Variants in EMP2 observed in about 807,000 individuals in gnomAD.
EMP2 encodes the protein epithelial membrane protein 2.
A neutral mutation model predicts 13.7 loss-of-function variants in EMP2; 19 were observed. The ratio of observed to expected loss-of-function variants is 1.38; its 90% CI spans 0.97 to 2.03. The LOEUF is 2.03. EMP2 is among the 30% of genes most tolerant of loss of function. EMP2 has a pLI of 0.00. For synonymous variants in EMP2, 97 were observed against 84.7 expected (o/e 1.15, Z -0.80); for missense variants, 253 against 220.7 (o/e 1.15, Z -0.93).
chr16:10,538,233 G>A (rs893222736), intron 3 of EMP2, among the ~76,000 whole-genome samples, 159 bp from the exon 4 acceptor site: 1 of 152,196 alleles, frequency 6.6e-6, no homozygotes, highest in East Asian at 1.9e-4. Flanking sequence ...GGCAGCCAAG[G>A]CGTCTTCCAG....
intron 1 of EMP2, among the ~76,000 whole-genome samples, chr16:10,577,174 G>C (rs1227795763): frequency 6.6e-6 from 1 of 152,212 alleles, no homozygotes; most frequent in Non-Finnish European, 1.5e-5. Context: ...GTCCCTAGCT[G>C]TCAGTGTCAT....
chr16:10,567,663 C>T (rs1307491933), intron 1 of EMP2, among the ~76,000 whole-genome samples: 1 of 152,114 alleles, frequency 6.6e-6, no homozygotes, highest in East Asian at 1.9e-4. Context: ...AGCCCTAAGA[C>T]CCCCTGAGGA....
intron 4 of EMP2, among the ~76,000 whole-genome samples, chr16:10,537,027 C>T (rs1183558515): frequency 2.0e-5 from 3 of 152,150 alleles, no homozygotes; most frequent in Non-Finnish European, 4.4e-5. Context: ...GACCCTGGCC[C>T]GGGAGGTGGA....
intron 3 of EMP2, among the ~76,000 whole-genome samples, chr16:10,538,755 G>T (rs1208904760): frequency 3.3e-5 from 5 of 152,084 alleles, no homozygotes; most frequent in African/African-American, 4.8e-5. Context: ...GTGGCCATAG[G>T]GAAGGCATCC....
chr16:10,543,443 G>A lies in EMP2; in HGVS notation c.169+127C>T, dbSNP rs748274030. Reference sequence around the variant, plus strand: ...GCTCCAGCACACACTGAGCAAACGCGGCCAGGCCCACCGGAGTATGCAGTG... The same window carrying A: ...GCTCCAGCACACACTGAGCAAACGCAGCCAGGCCCACCGGAGTATGCAGTG... On this transcript the variant is annotated intron_variant, in intron 3 of 4. Transcript: ENST00000359543. The A allele has an allele frequency of 1.7e-5, 18 of 1,053,648 alleles. No homozygotes were observed. In the Middle Eastern group the frequency reaches 6.8e-4, roughly 40 times the overall value. 65.3% of individuals were successfully genotyped at this position (1,053,648 alleles called of 1,614,324 possible). A position where few individuals can be genotyped will look rare whatever the true frequency, so the allele number is the denominator to read the frequency against.
chr16:10,575,916 G>C (rs978538564), intron 1 of EMP2, among the ~76,000 whole-genome samples: 2 of 151,966 alleles, frequency 1.3e-5, no homozygotes, highest in Admixed American at 6.6e-5. Context: ...GCTTGGTCTG[G>C]AAGCTCTCAG....
chr16:10,577,965 A>C (rs2050995577), intron 1 of EMP2: 2 of 94,858 alleles, frequency 2.1e-5, no homozygotes, highest in South Asian at 8.7e-4. Flanking sequence ...CCCACACACA[A>C]TTATCTGACC....
At chr16:10,546,316 G>A (rs1596372710) in intron 2 of EMP2, 1 of 152,222 alleles carries the variant, frequency 6.6e-6, no homozygotes, top group Non-Finnish European at 1.5e-5. Flanking sequence ...AGTCTAAAAT[G>A]AGCAGGATGG....
chr16:10,539,152 C>T (rs1567201364), intron 3 of EMP2, among the ~76,000 whole-genome samples: 1 of 152,104 alleles, frequency 6.6e-6, no homozygotes, highest in Non-Finnish European at 1.5e-5. Flanking sequence ...GAGCTGAATG[C>T]TGAATGTTAC....
chr16:10,536,053 A>G (rs1013256160), intron 4 of EMP2, among the ~76,000 whole-genome samples: 8 of 152,102 alleles, frequency 5.3e-5, no homozygotes, highest in Admixed American at 3.3e-4. Context: ...CTCAAGATCA[A>G]GTGACCCTCC....
At chr16:10,555,670 C>T (rs948894574) in intron 1 of EMP2, among the ~76,000 whole-genome samples, 6 of 152,076 alleles carry the variant, frequency 3.9e-5, no homozygotes. Context: ...TCACCACAAC[C>T]TCTGCCTCCT....
chr16:10,534,447 G>A (rs1180997966), intron 4 of EMP2, among the ~76,000 whole-genome samples: 1 of 152,124 alleles, frequency 6.6e-6, no homozygotes, highest in African/African-American at 2.4e-5. Flanking sequence ...TCTCACATAA[G>A]GCCAAAAGCA....
intron 1 of EMP2, among the ~76,000 whole-genome samples, chr16:10,565,095 T>C (rs2142203523): frequency 6.6e-6 from 1 of 152,294 alleles, no homozygotes; most frequent in Middle Eastern, 3.4e-3. Flanking sequence ...GTCACTCATG[T>C]TTGGGAAGTT....
rs58318805 is a variant in EMP2, at chr16:10,529,931, CA to C, written c.*2973del. 114 of 75,434 alleles carry C rather than the reference CA, an allele frequency of 1.5e-3. No individual in the cohort carries two copies. The highest frequency in any genetic ancestry group is 4.7e-3 in the East Asian group (12 of 2,554). 4.7% of individuals were successfully genotyped at this position (75,434 alleles called of 1,614,324 possible). On this transcript the variant is annotated 3_prime_UTR_variant, in exon 5 of 5. Transcript: ENST00000359543. ...GGGCAACAAGAGCAAAACTCAGTCT[CA>C]AAAAAAAAAAAAAAAAAGAAAAAGA...
intron 4 of EMP2, among the ~76,000 whole-genome samples, chr16:10,535,778 G>A (rs985097762): frequency 6.6e-6 from 1 of 152,154 alleles, no homozygotes; most frequent in Non-Finnish European, 1.5e-5. Flanking sequence ...GGGGGTCCAC[G>A]CCTCTAACTG....
At chr16:10,535,370 A>G (rs2050638952) in intron 4 of EMP2, among the ~76,000 whole-genome samples, 2 of 152,230 alleles carry the variant, frequency 1.3e-5, no homozygotes, top group African/African-American at 2.4e-5. Context: ...TCCTAAATAC[A>G]TATATTAGGG....
chr16:10,544,238 T>G (rs528190070), intron 2 of EMP2: 1 of 154,554 alleles, frequency 6.5e-6, no homozygotes, highest in Non-Finnish European at 1.4e-5. Context: ...TGGAGTGCGA[T>G]GCATGATCTT....
intron 1 of EMP2, among the ~76,000 whole-genome samples, chr16:10,575,252 T>A (rs1169757621): frequency 2.2e-5 from 2 of 89,592 alleles, no homozygotes; most frequent in African/African-American, 1.2e-4. Context: ...TTTTTTTTTT[T>A]TTTTTTTTTT....
At chr16:10,534,636 C>A (rs1221292303) in intron 4 of EMP2, among the ~76,000 whole-genome samples, 1 of 151,998 alleles carries the variant, frequency 6.6e-6, no homozygotes, top group Non-Finnish European at 1.5e-5. Flanking sequence ...TGTGATGGTG[C>A]ACACCTGTAG....
Sources: allele counts gnomAD v4.1 joint callset (sites outside exome capture counted in the v4.1 genomes callset), GRCh38; gene constraint gnomAD v4.1.1; transcripts MANE v1.5; gene names NCBI Gene and HGNC (gene_info 2026-07-23, HGNC 2026-07-21).